Variants in SLC9C1 observed in about 807,000 individuals in gnomAD.
The protein encoded by SLC9C1 is solute carrier family 9 member C1.
SLC9C1 carries 97 observed loss-of-function variants against 140.9 expected under a neutral mutation model. That is an observed-to-expected ratio of 0.69 (90% CI 0.58 to 0.82). SLC9C1 has a LOEUF of 0.82. SLC9C1 is among the 40% of genes least tolerant of loss of function. The probability of loss-of-function intolerance (pLI) is 0.00; values close to 1 mark genes in which losing one functional copy is unlikely to be tolerated. For missense variants in SLC9C1, 1,340 were observed against 1,389.3 expected, an observed-to-expected ratio of 0.96 and a Z score of 0.56; for synonymous variants, 440 against 442.6, an observed-to-expected ratio of 0.99 and a Z score of 0.07.
At chr3:112,291,966 A>T (rs193161337) in intron 1 of SLC9C1, among the ~76,000 whole-genome samples, 1 of 152,260 alleles carries the variant, frequency 6.6e-6, no homozygotes. Context: ...TGTCCTTTGT[A>T]GGAACATGGA....
chr3:112,188,333 C>A (rs939989510), intron 20 of SLC9C1, among the ~76,000 whole-genome samples: 2 of 151,414 alleles, frequency 1.3e-5, no homozygotes, highest in Admixed American at 1.3e-4. Context: ...TTTGCTGCAC[C>A]CATTAACTCA....
At chr3:112,278,358 T>C (rs1165453323) in intron 4 of SLC9C1, among the ~76,000 whole-genome samples, 1 of 152,180 alleles carries the variant, frequency 6.6e-6, no homozygotes, top group African/African-American at 2.4e-5. Context: ...CTCTTAGATA[T>C]GAATGTAGGA....
At chr3:112,290,640 T>C (rs978983691) in intron 1 of SLC9C1, among the ~76,000 whole-genome samples, 3 of 152,160 alleles carry the variant, frequency 2.0e-5, no homozygotes, top group African/African-American at 7.2e-5. Context: ...TGTCTAAAAC[T>C]GTCAGTGGGA....
intron 6 of SLC9C1, among the ~76,000 whole-genome samples, chr3:112,272,373 A>C (rs1423287128): frequency 6.6e-6 from 1 of 152,230 alleles, no homozygotes; most frequent in Non-Finnish European, 1.5e-5. Context: ...TCTAGCACTC[A>C]AATTGGAAAG....
At chr3:112,293,040 G>A (rs1332110413) in intron 1 of SLC9C1, among the ~76,000 whole-genome samples, 2 of 150,866 alleles carry the variant, frequency 1.3e-5, no homozygotes, top group Admixed American at 6.6e-5. Context: ...AGGCCTAGGC[G>A]GGTGGATCAC....
chr3:112,203,299 A>G (rs1348367370), intron 17 of SLC9C1, among the ~76,000 whole-genome samples: 1 of 152,016 alleles, frequency 6.6e-6, no homozygotes, highest in Non-Finnish European at 1.5e-5. Context: ...CATCTGAACT[A>G]TTTGTTAGGC....
intron 28 of SLC9C1, among the ~76,000 whole-genome samples, chr3:112,145,549 A>G (rs552756863): frequency 3.4e-5 from 4 of 119,060 alleles, no homozygotes; most frequent in Non-Finnish European, 6.7e-5. Context: ...TCTTCTTTGT[A>G]TATCTGGTAG....
intron 11 of SLC9C1, among the ~76,000 whole-genome samples, chr3:112,241,979 CT>C (rs1230785197): frequency 6.6e-6 from 1 of 152,020 alleles, no homozygotes; most frequent in African/African-American, 2.4e-5. Context: ...AATGTAAGAC[CT>C]CAATTATAAA....
intron 10 of SLC9C1, among the ~76,000 whole-genome samples, chr3:112,246,830 A>G (rs2079299317): frequency 6.6e-6 from 1 of 152,166 alleles, no homozygotes; most frequent in Non-Finnish European, 1.5e-5. Flanking sequence ...AAAAGAGCTT[A>G]AAAAGCAGAA....
chr3:112,238,003 T>C (rs2108206510), intron 12 of SLC9C1, among the ~76,000 whole-genome samples: 1 of 152,342 alleles, frequency 6.6e-6, no homozygotes, highest in South Asian at 2.1e-4. Flanking sequence ...AATGTTGGCC[T>C]GCCTTGCTAG....
At chr3:112,234,759 G>C (rs2078936233) in intron 12 of SLC9C1, among the ~76,000 whole-genome samples, 2 of 152,020 alleles carry the variant, frequency 1.3e-5, no homozygotes, top group Admixed American at 1.3e-4. Flanking sequence ...TCTTGTTTTT[G>C]TCAAGTTTGT....
chr3:112,266,195 C>G (rs748044656), intron 8 of SLC9C1, 43 bp downstream of exon 8: 2 of 1,327,118 alleles, frequency 1.5e-6, no homozygotes, highest in Non-Finnish European at 2.2e-6. Flanking sequence ...AATATTATAG[C>G]TTCCAGTGTA....
chr3:112,158,802 G>A (rs986024370), intron 26 of SLC9C1, among the ~76,000 whole-genome samples: 7 of 151,578 alleles, frequency 4.6e-5, no homozygotes, highest in African/African-American at 9.7e-5. Flanking sequence ...CAATTTGTTC[G>A]TGTATAATTT....
In SLC9C1 at chr3:112,231,242, T is replaced by G. The variant is rs191673080; in HGVS notation, c.1572+119A>C. 221 of 1,186,690 alleles carry G rather than the reference T, an allele frequency of 1.9e-4. No individual in the cohort carries two copies. In the African/African-American group the frequency reaches 3.2e-3, roughly 17 times the overall value. 73.5% of individuals were successfully genotyped at this position (1,186,690 alleles called of 1,614,324 possible). A position where few individuals can be genotyped will look rare whatever the true frequency, so the allele number is the denominator to read the frequency against. The stretch of plus-strand genomic sequence containing the variant: ...GCAGATTCCTAAGACAATGTCAAAC[T>G]TCCCTTTGCCTTTGTAAACAATCTA... On this transcript the variant is annotated intron_variant, in intron 13 of 28. Coordinates refer to ENST00000305815, the MANE Select transcript of SLC9C1 (RefSeq NM_183061.3).
intron 28 of SLC9C1, chr3:112,147,559 T>C (rs2074837449): frequency 2.6e-6 from 1 of 378,372 alleles, no homozygotes; most frequent in Non-Finnish European, 5.2e-6. Flanking sequence ...TGGCAGGATA[T>C]GAAATTCTTG....
At chr3:112,289,132 T>A (rs2080603599) in intron 1 of SLC9C1, among the ~76,000 whole-genome samples, 1 of 152,184 alleles carries the variant, frequency 6.6e-6, no homozygotes, top group South Asian at 2.1e-4. Context: ...CTTTTCAATA[T>A]TCTTGGTGAG....
intron 20 of SLC9C1, among the ~76,000 whole-genome samples, chr3:112,186,642 T>C (rs1470984687): frequency 6.6e-6 from 1 of 152,304 alleles, no homozygotes; most frequent in East Asian, 1.9e-4. Context: ...ATGTTAAAAT[T>C]AGTCAAAATA....
At chr3:112,164,131 T>C (rs372673370) in intron 26 of SLC9C1, among the ~76,000 whole-genome samples, 27 of 151,904 alleles carry the variant, frequency 1.8e-4, no homozygotes, top group Non-Finnish European at 3.1e-4. Flanking sequence ...CTTGGTAGAT[T>C]TTCCTCCATC....
intron 26 of SLC9C1, among the ~76,000 whole-genome samples, chr3:112,156,231 A>T (rs1576220421): frequency 6.6e-6 from 1 of 152,120 alleles, no homozygotes; most frequent in Non-Finnish European, 1.5e-5. Context: ...TAGTGCCCAC[A>T]TATGAATGAG....
Sources: allele counts gnomAD v4.1 joint callset (sites outside exome capture counted in the v4.1 genomes callset), GRCh38; gene constraint gnomAD v4.1.1; transcripts MANE v1.5; gene names NCBI Gene and HGNC (gene_info 2026-07-23, HGNC 2026-07-21).